Variants in CP observed in about 807,000 individuals in gnomAD.
The protein encoded by CP is caeruloplasmin.
In CP, 64 loss-of-function variants were observed where a neutral mutation model predicts 122.4. The ratio of observed to expected loss-of-function variants is 0.52; its 90% confidence interval spans 0.43 to 0.64. The LOEUF (loss-of-function observed/expected upper bound fraction) is 0.64, where lower values mean the gene tolerates loss of function less well. Ranked by LOEUF, CP falls within the 30% of genes least tolerant of loss-of-function variation. The pLI, the probability that CP is intolerant of heterozygous loss-of-function variation, is 0.00. For missense variants in CP, 1,167 were observed against 1,284.4 expected (o/e 0.91, Z 1.40); for synonymous variants, 440 against 436.4 (o/e 1.01, Z -0.10).
intron 14 of CP, 32 bp downstream of exon 14, chr3:149,181,973 T>TGCGGGG: frequency 1.5e-6 from 2 of 1,375,574 alleles, no homozygotes; most frequent in Non-Finnish European, 2.1e-6. Flanking sequence ...CCTGTTAAAA[T>TGCGGGG]GCACCACCCC....
chr3:149,193,955 T>C (rs1726718372), intron 9 of CP, among the ~76,000 whole-genome samples: 1 of 152,212 alleles, frequency 6.6e-6, no homozygotes, highest in Non-Finnish European at 1.5e-5. Context: ...GATTTCTTCA[T>C]TTGCAAAATG....
chr3:149,186,320 G>T, intron 11 of CP, 200 bp downstream of exon 11: 1 of 614,356 alleles, frequency 1.6e-6, no homozygotes, highest in Non-Finnish European at 2.9e-6. Flanking sequence ...ACTCCACATT[G>T]TCCTCAGTAA....
At chr3:149,190,922 C>T (rs1308228894) in intron 9 of CP, among the ~76,000 whole-genome samples, 1 of 152,028 alleles carries the variant, frequency 6.6e-6, no homozygotes, top group Non-Finnish European at 1.5e-5. Flanking sequence ...CAAATTCAGC[C>T]CACCAATATA....
Position 149,198,511 on chromosome 3 carries a change from T to A in CP, c.1569A>T (p.Lys523Asn). ...ETFTYEWTVP[K>N]EVGPTNADPV... ...GATCTGCATTAGTGGGTCCTACTTC[T>A]TTGGGGACAGTCCATTCATAGGTGA... Residue 523 changes from lysine to asparagine, a missense_variant, in exon 9 of 19, where the codon AAA becomes AAT. This residue lies in a region of CP where 642 missense variants were observed against 627.3 expected (regional missense o/e 1.02). Transcript: ENST00000264613. 6.2e-7 allele frequency: 1 copy of A among 1,614,210 alleles called. No homozygotes were observed. Among genetic ancestry groups the A allele is most frequent in the African/African-American group, 1.3e-5 (1 of 75,062 alleles).
intron 14 of CP, 32 bp downstream of exon 14, chr3:149,181,973 T>TGCGGGGGGGGGCGG: frequency 7.3e-7 from 1 of 1,375,574 alleles, no homozygotes; most frequent in Non-Finnish European, 1.0e-6. Flanking sequence ...CCTGTTAAAA[T>TGCGGGGGGGGGCGG]GCACCACCCC....
chr3:149,183,381 G>A, intron 13 of CP, 85 bp downstream of exon 13: 1 of 1,421,756 alleles, frequency 7.0e-7, no homozygotes, highest in South Asian at 1.2e-5. Context: ...CCAAGAAAAT[G>A]AAACCCATAG....
chr3:149,212,363 T>C (rs917888652), intron 2 of CP, 88 bp downstream of exon 2: 6 of 1,438,972 alleles, frequency 4.2e-6, no homozygotes, highest in Non-Finnish European at 5.8e-6. Context: ...ATATGTCTTA[T>C]CCAGGAGAGA....
rs1260453726 is a variant in CP at position 149,207,496 on chromosome 3, C to T, written c.903G>A (p.Gly301=). The T allele has an allele frequency of 1.2e-6, 2 of 1,613,964 alleles. No individual in the cohort carries two copies. Among genetic ancestry groups the T allele is most frequent in the East Asian group, 4.5e-5 (2 of 44,874 alleles). The change falls in exon 5 of 19, where the codon GGG becomes GGA. Residue 301 remains glycine, a synonymous_variant. Coordinates refer to ENST00000264613, the MANE Select transcript of CP (RefSeq NM_000096.4). ...EVDVHAAFFH[G]QALTNKNYRI... ...GGTAGTTCTTGTTAGTCAGTGCTTG[C>T]CCGTGAAAGAAAGCTGCGTGCACAT...
intron 1 of CP, among the ~76,000 whole-genome samples, chr3:149,220,450 G>A (rs1728730374): frequency 6.6e-6 from 1 of 150,528 alleles, no homozygotes; most frequent in Non-Finnish European, 1.5e-5. Context: ...GTAAAAATAT[G>A]TCATATTCCT....
intron 9 of CP, among the ~76,000 whole-genome samples, chr3:149,192,087 A>G (rs1333350117): frequency 1.3e-5 from 2 of 152,056 alleles, no homozygotes; most frequent in African/African-American, 4.8e-5. Context: ...GAGGGTATCT[A>G]AGAATAAAAA....
rs1553762033 is a variant in CP at position 149,202,251 on chromosome 3, G to A, written c.1209-10C>T. 5.6e-6 allele frequency: 9 copies of A among 1,614,030 alleles called. No homozygotes were observed. In the Admixed American group the frequency reaches 1.5e-4, roughly 27 times the overall value. On this transcript the variant is annotated splice_polypyrimidine_tract_variant and intron_variant, in intron 6 of 18. Coordinates refer to ENST00000264613, the MANE Select transcript of CP (RefSeq NM_000096.4). ...AAACACCGCTGAGTCACTGCAGGGGGAAAAAAGTGTTTAATGCTGGGGTTG... is the reference window on the plus strand; with the variant it reads ...AAACACCGCTGAGTCACTGCAGGGGAAAAAAAGTGTTTAATGCTGGGGTTG...
At chr3:149,170,788 G>A (rs562891472), downstream of CP, among the ~76,000 whole-genome samples, 1 of 152,188 alleles carries the variant, frequency 6.6e-6, no homozygotes, top group African/African-American at 2.4e-5. Context: ...TAGAGTAAGC[G>A]ATGGGCATGC....
At chr3:149,166,756 C>G (rs1204843811) in intron 4 of CP, among the ~76,000 whole-genome samples, 1 of 152,012 alleles carries the variant, frequency 6.6e-6, no homozygotes, top group East Asian at 1.9e-4. Context: ...CTAAAGAATG[C>G]CCATTGGTTT....
intron 6 of CP, 66 bp downstream of exon 6, chr3:149,206,102 C>T: frequency 6.8e-7 from 1 of 1,473,134 alleles, no homozygotes; most frequent in Non-Finnish European, 9.4e-7. Flanking sequence ...GCTGAATTAG[C>T]CTTTTGTAGT....
At chr3:149,168,477 G>A, downstream of CP, 1 of 172,378 alleles carries the variant, frequency 5.8e-6, no homozygotes, top group Non-Finnish European at 1.2e-5. Flanking sequence ...AATCTTGGTA[G>A]ATATGTAATC....
At position 149,212,619 on chromosome 3, in the gene CP, T is replaced by C. The variant is rs747508579; in HGVS notation, c.226A>G (p.Thr76Ala). The stretch of plus-strand genomic sequence containing the variant: ...ATAGTTGTCCTAAAGGTTTCATCTG[T>C]GTACTGAAGATAAAGGGCCTTCTTA... ...LYKKALYLQY[T>A]DETFRTTIEK... Residue 76 changes from threonine (T) to alanine (A), a missense_variant, in exon 2 of 19, where the codon ACA becomes GCA. By Grantham distance (58) the Thr-to-Ala change is moderately conservative. Around this residue, in one of 2 missense-constraint regions of CP, gnomAD observed 642 missense variants for 627.3 expected, o/e 1.02. Coordinates refer to ENST00000264613, the MANE Select transcript of CP (RefSeq NM_000096.4). 2 of 1,613,954 alleles carry C rather than the reference T, an allele frequency of 1.2e-6. No homozygotes were observed. The highest frequency in any genetic ancestry group is 1.7e-6 in the Non-Finnish European group (2 of 1,179,988).
At chr3:149,216,983 C>A (rs1208918606) in intron 1 of CP, among the ~76,000 whole-genome samples, 1 of 151,668 alleles carries the variant, frequency 6.6e-6, no homozygotes. Context: ...TCACTGCAAC[C>A]TCCACCTCCT....
At chr3:149,211,134 AC>A (rs1173620209) in intron 2 of CP, among the ~76,000 whole-genome samples, 2 of 152,222 alleles carry the variant, frequency 1.3e-5, no homozygotes, top group Non-Finnish European at 2.9e-5. Flanking sequence ...CTAAACAACA[AC>A]AAAAACAAAA....
At chr3:149,199,391 A>C (rs1559950123) in intron 8 of CP, among the ~76,000 whole-genome samples, 1 of 152,198 alleles carries the variant, frequency 6.6e-6, no homozygotes, top group Non-Finnish European at 1.5e-5. Flanking sequence ...AAATATTCTA[A>C]AGTGAACATC....
Sources: allele counts gnomAD v4.1 joint callset (sites outside exome capture counted in the v4.1 genomes callset), GRCh38; gene constraint gnomAD v4.1.1; regional missense constraint gnomAD v4.1.1; transcripts MANE v1.5; gene names NCBI Gene and HGNC (gene_info 2026-07-23, HGNC 2026-07-21).